The following PDE11A variants were observed in gnomAD, a reference collection of about 807,000 sequenced individuals.
PDE11A encodes dual 3',5'-cyclic-AMP and -GMP phosphodiesterase 11A.
A neutral mutation model predicts 100.5 loss-of-function variants in PDE11A; 100 were observed. The observed-to-expected ratio is 1.00, with a 90% CI of 0.85 to 1.18. The LOEUF (loss-of-function observed/expected upper bound fraction) is 1.18. Among genes scored for constraint, PDE11A ranks in the 50% most tolerant of loss-of-function variants. PDE11A has a pLI of 0.00. For missense variants in PDE11A, 1,141 were observed against 1,152.6 expected (o/e 0.99, Z 0.15); for synonymous variants, 381 against 420.8 (o/e 0.91, Z 1.16).
intron 2 of PDE11A, among the ~76,000 whole-genome samples, chr2:177,934,451 G>A (rs986534902): frequency 6.6e-6 from 1 of 152,156 alleles, no homozygotes; most frequent in East Asian, 1.9e-4. Context: ...TCTCACAGCA[G>A]TCAAAATGGC....
chr2:177,675,331 T>C (rs1301045270), intron 17 of PDE11A, 124 bp downstream of exon 17: 8 of 747,824 alleles, frequency 1.1e-5, no homozygotes, highest in East Asian at 7.9e-5. Context: ...TTTTACACCA[T>C]GTTAATACTG....
intron 2 of PDE11A, among the ~76,000 whole-genome samples, chr2:177,925,095 C>T (rs1289161719): frequency 3.3e-5 from 5 of 150,316 alleles, no homozygotes; most frequent in Non-Finnish European, 5.9e-5. Flanking sequence ...TTCCATGGTG[C>T]ATATGTGCCA....
At chr2:178,102,428 GTTTTTTTTTTTTTTT>G (rs769341186) in intron 2 of PDE11A, among the ~76,000 whole-genome samples, 2 of 55,364 alleles carry the variant, frequency 3.6e-5, no homozygotes, top group South Asian at 7.3e-4. Context: ...CCTGGTCTAA[GTTTTTTTTTTTTTTT>G]TTTTTTTTTT....
At chr2:177,961,303 C>G (rs1040863565) in intron 2 of PDE11A, among the ~76,000 whole-genome samples, 1 of 152,000 alleles carries the variant, frequency 6.6e-6, no homozygotes, top group Non-Finnish European at 1.5e-5. Context: ...AGGCATGAAG[C>G]TCACCCTTCT....
intron 4 of PDE11A, among the ~76,000 whole-genome samples, chr2:177,893,323 A>G (rs150232787): frequency 6.6e-6 from 1 of 151,522 alleles, no homozygotes; most frequent in African/African-American, 2.4e-5. Flanking sequence ...TGATTTTCGG[A>G]GGTGTTGTTT....
At chr2:177,855,569 G>A (rs55970728) in intron 5 of PDE11A, among the ~76,000 whole-genome samples, 1,631 of 152,080 alleles carry the variant, frequency 0.011, 10 homozygotes, top group Non-Finnish European at 0.017. Context: ...ACTTGCAGAG[G>A]AAGAATGAGT....
chr2:177,709,907 G>C (rs1340078057), intron 13 of PDE11A, among the ~76,000 whole-genome samples: 2 of 152,178 alleles, frequency 1.3e-5, no homozygotes, highest in Non-Finnish European at 2.9e-5. Flanking sequence ...GATTGGAACC[G>C]GAAGCCATGT....
intron 2 of PDE11A, among the ~76,000 whole-genome samples, chr2:177,959,426 C>G (rs2085605226): frequency 1.3e-5 from 2 of 152,062 alleles, no homozygotes; most frequent in Non-Finnish European, 2.9e-5. Flanking sequence ...TCTGGCTACC[C>G]TAAAGAGAAT....
chr2:177,999,283 A>G (rs1189676226), intron 2 of PDE11A, among the ~76,000 whole-genome samples: 1 of 152,246 alleles, frequency 6.6e-6, no homozygotes, highest in Non-Finnish European at 1.5e-5. Context: ...GGACATTTAT[A>G]GGTTCATCCA....
chr2:177,631,565 ATATACATGTATATATATATACACACACAT>A (rs2079941335), intron 19 of PDE11A, among the ~76,000 whole-genome samples: 1 of 38,918 alleles, frequency 2.6e-5, no homozygotes. Flanking sequence ...ATATATATAT[ATATACATGTATATATATATACACACACAT>A]ATATATGTGT....
chr2:177,808,628 A>T lies in PDE11A; in HGVS notation c.1737+8201T>A, dbSNP rs191054304. Among the ~76,000 whole-genome samples, 97 of 152,280 alleles carry T rather than the reference A, an allele frequency of 6.4e-4. 1 individual carries two copies. The East Asian group carries it at 0.015, about 24-fold the overall frequency. On this transcript the variant is annotated intron_variant, in intron 9 of 19. Coordinates refer to ENST00000286063, the MANE Select transcript of PDE11A (RefSeq NM_016953.4). ...GTTTCTTAAAGCTTCCTTCTACAGA[A>T]CTACTTGGAGAACCTAATATGTATT...
At position 177,884,243 on chromosome 2, in the gene PDE11A, C is replaced by G. The variant is rs574378365; in HGVS notation, c.1303-8320G>C. 8.5e-5 allele frequency among the ~76,000 whole-genome samples: 13 copies of G among 152,300 alleles called. No individual in the cohort carries two copies. In the East Asian group the frequency reaches 2.5e-3, roughly 29 times the overall value. On this transcript the variant is annotated intron_variant, in intron 4 of 19. Transcript: ENST00000286063. ...TCACTGTTCCAGAATTGGCTATCCT[C>G]AACAGACCACTCTGCCCTAGCACAT...
chr2:178,049,437 A>C (rs2086793527), intron 1 of PDE11A, among the ~76,000 whole-genome samples: 1 of 152,206 alleles, frequency 6.6e-6, no homozygotes, highest in African/African-American at 2.4e-5. Context: ...CGCAGAGGAC[A>C]GGTGATTTCT....
At chr2:178,090,914 A>G (rs1358600079) in intron 2 of PDE11A, among the ~76,000 whole-genome samples, 1 of 152,100 alleles carries the variant, frequency 6.6e-6, no homozygotes, top group Non-Finnish European at 1.5e-5. Flanking sequence ...CTCCATGAGG[A>G]GCGCATTCTC....
At chr2:177,765,670 T>C (rs1198773989) in intron 10 of PDE11A, among the ~76,000 whole-genome samples, 3 of 152,228 alleles carry the variant, frequency 2.0e-5, no homozygotes, top group East Asian at 1.9e-4. Flanking sequence ...CCAAAGCTCA[T>C]GCCTTCTGTG....
intron 10 of PDE11A, among the ~76,000 whole-genome samples, chr2:177,738,133 T>C (rs2081819763): frequency 1.3e-5 from 1 of 74,658 alleles, no homozygotes; most frequent in Admixed American, 1.7e-4. Flanking sequence ...GTGAATCCGG[T>C]GCTCCATTTT....
chr2:178,036,715 C>T (rs543235245), intron 1 of PDE11A, among the ~76,000 whole-genome samples: 73 of 152,170 alleles, frequency 4.8e-4, no homozygotes, highest in African/African-American at 1.8e-3. Flanking sequence ...AGAAATAACA[C>T]CACACATCTA....
At chr2:177,672,229 C>A (rs2080694710) in intron 17 of PDE11A, among the ~76,000 whole-genome samples, 1 of 152,220 alleles carries the variant, frequency 6.6e-6, no homozygotes, top group East Asian at 1.9e-4. Context: ...TCACAATTAT[C>A]CTGCTTTATG....
At chr2:177,794,518 G>C (rs1235759689) in intron 9 of PDE11A, among the ~76,000 whole-genome samples, 1 of 152,086 alleles carries the variant, frequency 6.6e-6, no homozygotes, top group African/African-American at 2.4e-5. Context: ...CATCGAATTG[G>C]GCCCAGTATA....
Sources: allele counts gnomAD v4.1 joint callset (sites outside exome capture counted in the v4.1 genomes callset), GRCh38; gene constraint gnomAD v4.1.1; transcripts MANE v1.5; gene names NCBI Gene and HGNC (gene_info 2026-07-23, HGNC 2026-07-21).